The following KLHL14 variants were observed in gnomAD, a reference collection of about 807,000 sequenced individuals.
The protein encoded by KLHL14 is kelch like family member 14, also known as kelch-like protein 14.
A neutral mutation model predicts 64.3 loss-of-function variants in KLHL14; 22 were observed. That is an observed-to-expected ratio of 0.34 (90% CI 0.24 to 0.49). The LOEUF is 0.49. KLHL14 is among the 20% of genes least tolerant of loss of function. KLHL14 has a pLI of 0.99. For synonymous variants in KLHL14, 322 were observed against 333.4 expected, an observed-to-expected ratio of 0.97 and a Z score of 0.37; for missense variants, 661 against 789.0, an observed-to-expected ratio of 0.84 and a Z score of 1.94.
chr18:32,705,897 T>A (rs1414686810), intron 3 of KLHL14, among the ~76,000 whole-genome samples: 2 of 152,226 alleles, frequency 1.3e-5, no homozygotes, highest in Non-Finnish European at 2.9e-5. Context: ...TGGACCACTC[T>A]CTTCTTAGAC....
chr18:32,729,189 T>C (rs2050122732), intron 3 of KLHL14, among the ~76,000 whole-genome samples: 1 of 152,124 alleles, frequency 6.6e-6, no homozygotes, highest in South Asian at 2.1e-4. Flanking sequence ...ACTTTCCTTA[T>C]TTCGTGGGGG....
intron 7 of KLHL14, among the ~76,000 whole-genome samples, chr18:32,679,503 G>A (rs1440037449): frequency 1.3e-5 from 2 of 151,920 alleles, no homozygotes; most frequent in African/African-American, 4.8e-5. Context: ...GGTCTCTCTG[G>A]TATCACATTC....
chr18:32,750,059 CACGT>C (rs1476416699), intron 2 of KLHL14, among the ~76,000 whole-genome samples: 1 of 151,408 alleles, frequency 6.6e-6, no homozygotes, highest in African/African-American at 2.4e-5. Context: ...GAGGAGAGCA[CACGT>C]GTGTGCTCTC....
chr18:32,768,676 T>C (rs1468034402), intron 2 of KLHL14, among the ~76,000 whole-genome samples: 2 of 152,334 alleles, frequency 1.3e-5, no homozygotes, highest in East Asian at 3.9e-4. Context: ...AAAATGGTTT[T>C]AAAATTGGAG....
At chr18:32,684,758 C>A (rs1019681139) in intron 5 of KLHL14, among the ~76,000 whole-genome samples, 2 of 152,172 alleles carry the variant, frequency 1.3e-5, no homozygotes, top group Non-Finnish European at 2.9e-5. Context: ...TTTTAAGCAA[C>A]TTTTCTGATC....
At chr18:32,705,238 A>C (rs1449513674) in intron 3 of KLHL14, among the ~76,000 whole-genome samples, 2 of 152,258 alleles carry the variant, frequency 1.3e-5, no homozygotes, top group African/African-American at 4.8e-5. Flanking sequence ...ACAGTTAACA[A>C]TAACATATTA....
chr18:32,677,094 A>T, intron 8 of KLHL14, 79 bp downstream of exon 8: 1 of 1,403,092 alleles, frequency 7.1e-7, no homozygotes, highest in Non-Finnish European at 9.9e-7. Flanking sequence ...ACATGTGTGG[A>T]GGATAACACA....
rs200102235 is a variant in KLHL14 at position 32,679,927 on chromosome 18, T to G, written c.1588+242A>C. ...AGTTATTAATGCTCCTGTTTCTTAT[T>G]TTCTGTAGACATCATTATCCTTTTC... On this transcript the variant is annotated intron_variant, in intron 7 of 8. Coordinates refer to ENST00000359358, the MANE Select transcript of KLHL14 (RefSeq NM_020805.3). Among the ~76,000 whole-genome samples, 8 of 152,278 alleles carry G rather than the reference T, an allele frequency of 5.3e-5. No homozygotes were observed. In the South Asian group the frequency reaches 1.7e-3, roughly 32 times the overall value.
chr18:32,734,477 AT>A (rs1479201257), intron 3 of KLHL14, among the ~76,000 whole-genome samples: 1 of 152,196 alleles, frequency 6.6e-6, no homozygotes, highest in Non-Finnish European at 1.5e-5. Context: ...TTTTGGAGTT[AT>A]TACCGCAGCA....
intron 3 of KLHL14, among the ~76,000 whole-genome samples, chr18:32,716,216 ATAT>A (rs1413141033): frequency 1.3e-5 from 2 of 151,970 alleles, no homozygotes; most frequent in African/African-American, 4.8e-5. Flanking sequence ...TATTATTCTA[ATAT>A]TATTATTTCT....
At chr18:32,711,628 A>ACTGT (rs200976704) in intron 3 of KLHL14, among the ~76,000 whole-genome samples, 1,614 of 152,306 alleles carry the variant, frequency 0.011, 14 homozygotes, top group Middle Eastern at 0.041. Context: ...TAGTTAATGA[A>ACTGT]CTGTCCTCTT....
intron 3 of KLHL14, among the ~76,000 whole-genome samples, chr18:32,719,131 A>T (rs1256945607): frequency 1.3e-5 from 2 of 152,180 alleles, no homozygotes; most frequent in Admixed American, 1.3e-4. Context: ...TATTTTTAGT[A>T]GAGACGGGGT....
rs571939030 is a variant in KLHL14, at chr18:32,741,835, T to A, written c.1069+93A>T. 4.6e-6 allele frequency: 6 copies of A among 1,297,328 alleles called. No homozygotes were observed. The East Asian group carries it at 1.3e-4, about 28-fold the overall frequency. 80.4% of individuals were successfully genotyped at this position (1,297,328 alleles called of 1,614,324 possible). A position where few individuals can be genotyped will look rare whatever the true frequency, so the allele number is the denominator to read the frequency against. ...CAAAGGGGAACAAATCAATAAAATG[T>A]CTAATTTGATTAACCATGTTTTCAA... On this transcript the variant is annotated intron_variant, in intron 3 of 8. Transcript: ENST00000359358.
rs1419685320 is a variant in KLHL14 at position 32,673,954 on chromosome 18, T to C, written c.*703A>G. On this transcript the variant is annotated 3_prime_UTR_variant, in exon 9 of 9. Transcript: ENST00000359358. The stretch of plus-strand genomic sequence containing the variant: ...GACATAATATATTTTGTTTTAATCT[T>C]TCAGATAAAATTGAGGACACAGAAA... 5 of 152,146 alleles carry C rather than the reference T, an allele frequency of 3.3e-5. No individual in the cohort carries two copies. In the East Asian group the frequency reaches 9.6e-4, roughly 29 times the overall value. The allele number at this position is 152,146 out of a possible 1,614,324, so 9.4% of individuals were successfully genotyped here.
rs935996121 is a variant in KLHL14, at chr18:32,770,929, A to G, written c.-43-295T>C. On this transcript the variant is annotated intron_variant, in intron 1 of 8. Coordinates refer to ENST00000359358, the MANE Select transcript of KLHL14 (RefSeq NM_020805.3). This position sits in a 1 kb window ranked among gnomAD's most constrained non-coding sequence, Gnocchi z 6.7. ...TTCGTCCCTCACTTTCCTAAAACCA[A>G]CCACCTCAGCTCGGCTGTTGGCAGC... 2 of 444,068 alleles carry G rather than the reference A, an allele frequency of 4.5e-6. No homozygotes were observed. Among genetic ancestry groups the G allele is most frequent in the Non-Finnish European group, 8.6e-6 (2 of 232,854 alleles). 27.5% of individuals were successfully genotyped at this position (444,068 alleles called of 1,614,324 possible).
chr18:32,743,227 G>A (rs2144531963), intron 2 of KLHL14: 1 of 152,348 alleles, frequency 6.6e-6, no homozygotes, highest in South Asian at 2.1e-4. Flanking sequence ...AAATACAAAA[G>A]GATTCCTCTT....
At chr18:32,741,871 A>G (rs12604576) in intron 3 of KLHL14, 57 bp downstream of exon 3, 15,468 of 1,469,818 alleles carry the variant, frequency 0.011, 176 homozygotes, top group South Asian at 0.038. Flanking sequence ...ATTCATCAAG[A>G]CAGCGCTAAC....
In KLHL14 at chr18:32,759,697, T is replaced by TTCTCTCTC. The variant is rs140880053; in HGVS notation, c.947+9940_947+9947dup. ...GTTTTAAGATATCTGCATTATAACC[T>TTCTCTCTC]TCTCTCTCTCTCTCTCTCTCTCTCT... On this transcript the variant is annotated intron_variant, in intron 2 of 8. Transcript: ENST00000359358. 6.3e-3 allele frequency among the ~76,000 whole-genome samples: 928 copies of TTCTCTCTC among 148,470 alleles called. 10 individuals are homozygous for TTCTCTCTC. Among genetic ancestry groups the TTCTCTCTC allele is most frequent in the African/African-American group, 0.018 (739 of 40,302 alleles).
intron 5 of KLHL14, 111 bp downstream of exon 5, chr18:32,687,044 T>A (rs2049882747): frequency 1.2e-6 from 1 of 859,482 alleles, no homozygotes; most frequent in South Asian, 1.5e-5. Context: ...TTTTGCCTCA[T>A]ATGTCTTTCA....
Sources: gnomAD v4.1 joint callset for allele counts (sites outside exome capture counted in the v4.1 genomes callset) on GRCh38, gnomAD v4.1.1 for gene constraint, Gnocchi (gnomAD v3.1) non-coding constraint, MANE v1.5 for transcripts, NCBI Gene and HGNC (gene_info 2026-07-23, HGNC 2026-07-21) for gene names.